Variants in PLCL1 observed in about 807,000 individuals in gnomAD.
PLCL1 encodes inactive phospholipase C-like protein 1.
A neutral mutation model predicts 84.4 loss-of-function variants in PLCL1; 41 were observed. The ratio of observed to expected loss-of-function variants is 0.49; its 90% CI spans 0.38 to 0.63. The LOEUF (loss-of-function observed/expected upper bound fraction) is 0.63, where lower values mean the gene tolerates loss of function less well. Among genes scored for constraint, PLCL1 ranks in the 30% least tolerant of loss-of-function variants. PLCL1 has a pLI of 0.00. For missense variants in PLCL1, 1,206 were observed against 1,367.8 expected (o/e 0.88, Z 1.87); for synonymous variants, 490 against 488.3 (o/e 1.00, Z -0.05).
intron 1 of PLCL1, among the ~76,000 whole-genome samples, chr2:197,924,014 G>T (rs945034273): frequency 6.6e-6 from 1 of 151,188 alleles, no homozygotes; most frequent in Non-Finnish European, 1.5e-5. Context: ...AGGCGTGGCG[G>T]CGCGTGCCTG....
intron 1 of PLCL1, among the ~76,000 whole-genome samples, chr2:197,959,220 A>G (rs1245264203): frequency 6.6e-6 from 1 of 152,042 alleles, no homozygotes; most frequent in Non-Finnish European, 1.5e-5. Context: ...ATGATTATGG[A>G]TGTTGGTGAG....
intron 1 of PLCL1, among the ~76,000 whole-genome samples, chr2:197,876,178 G>A (rs1280152338): frequency 6.6e-6 from 1 of 152,174 alleles, no homozygotes; most frequent in Non-Finnish European, 1.5e-5. Flanking sequence ...TGAGCATTGG[G>A]TATTGTGCCT....
intron 1 of PLCL1, among the ~76,000 whole-genome samples, chr2:198,008,849 A>G (rs1690797297): frequency 6.6e-6 from 1 of 151,984 alleles, no homozygotes; most frequent in Non-Finnish European, 1.5e-5. Flanking sequence ...TCTTCTCTAC[A>G]TCTTCACCAA....
intron 1 of PLCL1, among the ~76,000 whole-genome samples, chr2:197,913,444 C>T (rs1688530011): frequency 6.6e-6 from 1 of 152,132 alleles, no homozygotes; most frequent in Non-Finnish European, 1.5e-5. Context: ...GCAAACTGAC[C>T]TAAGCCAATG....
chr2:197,982,427 C>G (rs1690127733), intron 1 of PLCL1, among the ~76,000 whole-genome samples: 1 of 152,094 alleles, frequency 6.6e-6, no homozygotes, highest in Non-Finnish European at 1.5e-5. Context: ...ATACTTTTAA[C>G]TATCTTTAAG....
intron 1 of PLCL1, among the ~76,000 whole-genome samples, chr2:197,993,146 C>T (rs1360152262): frequency 6.6e-6 from 1 of 152,104 alleles, no homozygotes; most frequent in Non-Finnish European, 1.5e-5. Flanking sequence ...TTCTGCATAC[C>T]CTAGCCAACA....
At chr2:197,957,482 C>G (rs1365453983) in intron 1 of PLCL1, among the ~76,000 whole-genome samples, 3 of 152,018 alleles carry the variant, frequency 2.0e-5, no homozygotes. Flanking sequence ...AAGCCTCTCA[C>G]TAGTATAAAG....
At chr2:198,081,049 C>A (rs1414288269) in intron 1 of PLCL1, among the ~76,000 whole-genome samples, 1 of 152,082 alleles carries the variant, frequency 6.6e-6, no homozygotes, top group Admixed American at 6.6e-5. Flanking sequence ...TTTGTTCTTA[C>A]AAATAAACAG....
At chr2:197,859,576 A>G (rs1485911291) in intron 1 of PLCL1, among the ~76,000 whole-genome samples, 2 of 152,150 alleles carry the variant, frequency 1.3e-5, no homozygotes, top group Non-Finnish European at 2.9e-5. Flanking sequence ...ACATACAACA[A>G]TGCTCCCATA....
Position 197,886,596 on chromosome 2 carries a change from GA to G in PLCL1, c.240+81266del, listed in dbSNP as rs201949328. On this transcript the variant is annotated intron_variant, in intron 1 of 5. Transcript: ENST00000428675. ...TTGTCAGTTTATTTGAAGGTTTGTG[GA>G]AAAAAAAATTATCAGAAAGAGTATG... is the stretch of plus-strand genomic sequence containing the variant. Among the ~76,000 whole-genome samples, 1,036 of 151,380 alleles carry G rather than the reference GA, an allele frequency of 6.8e-3. 11 individuals are homozygous for G. Among genetic ancestry groups the G allele is most frequent in the African/African-American group, 0.024 (986 of 41,302 alleles).
chr2:197,897,173 T>C (rs3916724), intron 1 of PLCL1, among the ~76,000 whole-genome samples: 15,452 of 48,850 alleles, frequency 0.32, 2,235 homozygotes, highest in Non-Finnish European at 0.33. Flanking sequence ...TTCTTCTTCT[T>C]CTTCTTCTTC....
In PLCL1 at chr2:197,943,627, CT is replaced by C. The variant is rs5837573; in HGVS notation, c.240+138307del. ...ATTATGTCTAAATTTTTGGTTACAT[CT>C]TTTTTTTTTTTTTTTTTTGTTACTT... On this transcript the variant is annotated intron_variant, in intron 1 of 5. Transcript: ENST00000428675. Among the ~76,000 whole-genome samples the C allele has an allele frequency of 4.1e-3, 492 of 119,188 alleles. 4 individuals are homozygous for C. The highest frequency in any genetic ancestry group is 0.022 in the South Asian group (78 of 3,600). The allele number at this position is 119,188 out of a possible 152,430, so 78.2% of individuals were successfully genotyped here.
In PLCL1 at chr2:198,084,788, G is replaced by T; in HGVS notation, c.1271G>T (p.Gly424Val). 6.2e-7 allele frequency: 1 copy of T among 1,614,036 alleles called. No homozygotes were observed. Residue 424 changes from glycine (G) to valine (V), a missense_variant, in exon 2 of 6, where the codon GGG becomes GTG. Transcript: ENST00000428675. ...TATCTAATAGAAGACCAGTTCAGGGGGCCAGCTGACATCAATGGGTACATT... is the reference window on the plus strand; with the variant it reads ...TATCTAATAGAAGACCAGTTCAGGGTGCCAGCTGACATCAATGGGTACATT... ...NTYLIEDQFR[G>V]PADINGYIRA...
At chr2:198,093,689 T>A (rs976476288) in intron 3 of PLCL1, among the ~76,000 whole-genome samples, 3 of 151,906 alleles carry the variant, frequency 2.0e-5, no homozygotes, top group African/African-American at 7.3e-5. Context: ...GAGGAAAAAT[T>A]GTTACCACTA....
intron 1 of PLCL1, among the ~76,000 whole-genome samples, chr2:197,835,647 CTGTT>C (rs1382071785): frequency 1.3e-5 from 2 of 152,142 alleles, no homozygotes; most frequent in African/African-American, 2.4e-5. Context: ...CTGGGCCAAA[CTGTT>C]TGATTTCTCT....
At chr2:198,113,912 A>G (rs974044217) in intron 5 of PLCL1, among the ~76,000 whole-genome samples, 25 of 151,840 alleles carry the variant, frequency 1.6e-4, no homozygotes, top group African/African-American at 6.0e-4. Context: ...GTGTATCCAT[A>G]AAATTCATTT....
chr2:198,044,686 T>A (rs1195238592), intron 1 of PLCL1, among the ~76,000 whole-genome samples: 2 of 152,176 alleles, frequency 1.3e-5, no homozygotes, highest in Non-Finnish European at 2.9e-5. Flanking sequence ...GTCATTATCA[T>A]GTAGAAATTT....
At chr2:198,055,430 A>G (rs953497395) in intron 1 of PLCL1, among the ~76,000 whole-genome samples, 1 of 150,504 alleles carries the variant, frequency 6.6e-6, no homozygotes, top group Non-Finnish European at 1.5e-5. Context: ...CATTACATCT[A>G]ATTTCCAGAT....
intron 1 of PLCL1, among the ~76,000 whole-genome samples, chr2:197,872,373 G>C (rs924004611): frequency 6.6e-6 from 1 of 152,104 alleles, no homozygotes; most frequent in African/African-American, 2.4e-5. Flanking sequence ...TTGCCTGCCT[G>C]TGTCCTCCCT....
Sources: allele counts gnomAD v4.1 joint callset (sites outside exome capture counted in the v4.1 genomes callset), GRCh38; gene constraint gnomAD v4.1.1; transcripts MANE v1.5; gene names NCBI Gene and HGNC (gene_info 2026-07-23, HGNC 2026-07-21).